Variants in PAX6 observed in about 807,000 individuals in gnomAD.
PAX6 encodes paired box protein Pax-6.
PAX6 carries 7 observed loss-of-function variants against 60.7 expected under a neutral mutation model. The ratio of observed to expected loss-of-function variants is 0.12; its 90% CI spans 0.07 to 0.22. The LOEUF (loss-of-function observed/expected upper bound fraction) is 0.22. Among genes scored for constraint, PAX6 ranks in the 10% least tolerant of loss-of-function variants. PAX6 has a pLI of 1.00. For missense variants in PAX6, 355 were observed against 555.2 expected (o/e 0.64, Z 3.62); for synonymous variants, 208 against 201.2 (o/e 1.03, Z -0.29).
At chr11:31,808,792 A>G (rs1470477933) in intron 2 of PAX6, 1 of 152,248 alleles carries the variant, frequency 6.6e-6, no homozygotes, top group East Asian at 1.9e-4. Flanking sequence ...GTAAACGTGA[A>G]CACTAAGTGC....
intron 12 of PAX6, chr11:31,791,713 A>G (rs993051971): frequency 1.3e-5 from 2 of 152,166 alleles, no homozygotes; most frequent in African/African-American, 4.8e-5. Context: ...TCCAAAATCC[A>G]TATGCTCAGA....
At position 31,789,589 on chromosome 11, in the gene PAX6, A is replaced by C; in HGVS notation, c.*345T>G. 3.3e-6 allele frequency: 2 copies of C among 606,812 alleles called. No individual in the cohort carries two copies. The highest frequency in any genetic ancestry group is 2.0e-5 in the South Asian group (1 of 49,028). 37.6% of individuals were successfully genotyped at this position (606,812 alleles called of 1,614,324 possible). A position where few individuals can be genotyped will look rare whatever the true frequency, so the allele number is the denominator to read the frequency against. ...ATGGTTTTCTTTTTAAAAAAAAAAAAAACAACTTCATGACCAACACAGATC... is the reference window on the plus strand; with the variant it reads ...ATGGTTTTCTTTTTAAAAAAAAAAACAACAACTTCATGACCAACACAGATC... On this transcript the variant is annotated 3_prime_UTR_variant, in exon 14 of 14. Transcript: ENST00000640368.
chr11:31,793,239 T>G (rs746423428), intron 12 of PAX6, 199 bp downstream of exon 12: 7 of 695,710 alleles, frequency 1.0e-5, no homozygotes, highest in African/African-American at 8.8e-5. Flanking sequence ...TTATTACTCA[T>G]TTTTTTAGGG....
intron 7 of PAX6, 84 bp downstream of exon 7, chr11:31,801,477 A>G: frequency 6.2e-7 from 1 of 1,606,486 alleles, no homozygotes; most frequent in South Asian, 1.1e-5. Context: ...ACTAAGAGAC[A>G]GTGGAGAGAG....
Position 31,794,025 on chromosome 11 carries a change from T to A in PAX6, c.807+7A>T. The A allele has an allele frequency of 6.3e-7, 1 of 1,586,416 alleles. No individual in the cohort carries two copies. Among genetic ancestry groups the A allele is most frequent in the Non-Finnish European group, 8.7e-7 (1 of 1,154,682 alleles). On this transcript the variant is annotated splice_region_variant and intron_variant, in intron 10 of 13. Coordinates refer to ENST00000640368, the MANE Select transcript of PAX6 (RefSeq NM_001368894.2). Reference sequence around the variant, plus strand: ...ACAAAGTGTGAAACTGCACAGTCTCTCGGTACCTGTATTCTTGCTTCAGGT... The same window carrying A: ...ACAAAGTGTGAAACTGCACAGTCTCACGGTACCTGTATTCTTGCTTCAGGT...
intron 8 of PAX6, among the ~76,000 whole-genome samples, chr11:31,796,110 T>C (rs543634117): frequency 3.2e-4 from 49 of 152,338 alleles, no homozygotes; most frequent in African/African-American, 1.2e-3. Flanking sequence ...TTCTCCCCCA[T>C]TTAAACAGGC....
chr11:31,806,769 T>G (rs1955911644), intron 3 of PAX6, 80 bp downstream of exon 3: 1 of 302,382 alleles, frequency 3.3e-6, no homozygotes, highest in Non-Finnish European at 6.1e-6. Context: ...CTATCTGAAC[T>G]ATAGTGAAGA....
intron 8 of PAX6, 100 bp from the exon 9 acceptor site, chr11:31,794,888 G>C: frequency 1.8e-6 from 2 of 1,106,116 alleles, no homozygotes; most frequent in Non-Finnish European, 2.7e-6. Context: ...ATTATATCCC[G>C]ACAGCCTCAC....
intron 8 of PAX6, among the ~76,000 whole-genome samples, 159 bp from the exon 9 acceptor site, chr11:31,794,947 T>C (rs1951059110): frequency 6.6e-6 from 1 of 152,212 alleles, no homozygotes; most frequent in African/African-American, 2.4e-5. Context: ...AAAATACATT[T>C]GCGATGTTAG....
At chr11:31,804,108 G>A (rs536088279) in intron 4 of PAX6, 1 of 152,194 alleles carries the variant, frequency 6.6e-6, no homozygotes, top group East Asian at 1.9e-4. Context: ...TATAGAAGAG[G>A]GGGGAAAATA....
At chr11:31,808,561 C>T (rs1956388019) in intron 2 of PAX6, 1 of 152,248 alleles carries the variant, frequency 6.6e-6, no homozygotes, top group Non-Finnish European at 1.5e-5. Context: ...GGTAAAACTT[C>T]CAGAACTCCA....
intron 8 of PAX6, 62 bp from the exon 9 acceptor site, chr11:31,794,850 G>T (rs1951031243): frequency 1.3e-6 from 2 of 1,501,164 alleles, no homozygotes; most frequent in Non-Finnish European, 1.9e-6. Flanking sequence ...TCCAAAAGGG[G>T]CCTGGTGTAG....
intron 8 of PAX6, among the ~76,000 whole-genome samples, chr11:31,797,178 T>A (rs1234184767): frequency 1.3e-5 from 2 of 151,900 alleles, no homozygotes; most frequent in African/African-American, 2.4e-5. Flanking sequence ...AATGCCCATC[T>A]CCCCATGGCC....
chr11:31,802,990 A>G (rs1954614820), intron 4 of PAX6, 156 bp from the exon 5 acceptor site: 1 of 760,822 alleles, frequency 1.3e-6, no homozygotes, highest in South Asian at 1.6e-5. Flanking sequence ...GGAGGAGACA[A>G]CCACAATGCA....
chr11:31,797,037 G>A (rs772976127), intron 8 of PAX6, among the ~76,000 whole-genome samples: 4 of 152,122 alleles, frequency 2.6e-5, no homozygotes, highest in African/African-American at 7.2e-5. Context: ...TTATTTTCGG[G>A]TTTGGTGAAG....
intron 4 of PAX6, chr11:31,803,107 G>GT (rs1954658629): frequency 5.0e-6 from 2 of 397,382 alleles, no homozygotes; most frequent in South Asian, 2.2e-5. Flanking sequence ...GGGCAGCCCA[G>GT]TCCAAGCAAC....
chr11:31,814,755 T>A (rs1450624087), upstream of PAX6: 1 of 152,572 alleles, frequency 6.6e-6, no homozygotes, highest in Non-Finnish European at 1.5e-5. Flanking sequence ...TCCCTCTCCT[T>A]TCTCCAGCAA....
intron 12 of PAX6, 48 bp downstream of exon 12, chr11:31,793,390 C>G (rs1379339851): frequency 2.6e-6 from 4 of 1,533,694 alleles, no homozygotes; most frequent in Non-Finnish European, 3.6e-6. Flanking sequence ...AGCCACTCCT[C>G]ACTTCTCTGG....
chr11:31,793,582 G>C, intron 11 of PAX6, 29 bp from the exon 12 acceptor site: 1 of 1,613,258 alleles, frequency 6.2e-7, no homozygotes, highest in East Asian at 2.2e-5. Flanking sequence ...ACAGTAGTCA[G>C]AGTGAGAGTC....
Sources: allele counts gnomAD v4.1 joint callset (sites outside exome capture counted in the v4.1 genomes callset), GRCh38; gene constraint gnomAD v4.1.1; transcripts MANE v1.5; gene names NCBI Gene and HGNC (gene_info 2026-07-23, HGNC 2026-07-21).